Variants in DRC11 observed in about 807,000 individuals in gnomAD.
DRC11 encodes dynein regulatory complex subunit 11.
the DRC11 span, among the ~76,000 whole-genome samples, chr2:236,310,134 A>C: frequency 6.6e-6 from 1 of 152,192 alleles, no homozygotes; most frequent in East Asian, 1.9e-4. This position sits in a 1 kb window ranked among gnomAD's most constrained non-coding sequence, Gnocchi z 5.5. Flanking sequence ...GGACAGGCCC[A>C]TGAAGCAGCA....
chr2:236,405,517 C>T, the DRC11 span, among the ~76,000 whole-genome samples: 3 of 152,006 alleles, frequency 2.0e-5, no homozygotes, highest in Non-Finnish European at 4.4e-5. The surrounding 1 kb of genome is among the most constrained non-coding windows in gnomAD (Gnocchi z 4.6). Context: ...TCTCTGGGTA[C>T]CGCTAAGATG....
the DRC11 span, among the ~76,000 whole-genome samples, chr2:236,321,288 A>G: frequency 6.6e-6 from 1 of 152,248 alleles, no homozygotes; most frequent in Non-Finnish European, 1.5e-5. Context: ...AAATAATGGT[A>G]TATCTATAAA....
chr2:236,445,737 GA>G, the DRC11 span, among the ~76,000 whole-genome samples: 17 of 149,964 alleles, frequency 1.1e-4, no homozygotes, highest in African/African-American at 3.2e-4. This position sits in a 1 kb window ranked among gnomAD's most constrained non-coding sequence, Gnocchi z 4.8. Flanking sequence ...CTTAAAGAAT[GA>G]AAAAAAAACT....
the DRC11 span, among the ~76,000 whole-genome samples, chr2:236,502,260 A>C: frequency 6.6e-6 from 1 of 152,260 alleles, no homozygotes; most frequent in Non-Finnish European, 1.5e-5. Flanking sequence ...AAATCCAAGG[A>C]AATCAGTAAC....
the DRC11 span, among the ~76,000 whole-genome samples, chr2:236,466,579 T>C: frequency 6.6e-6 from 1 of 152,100 alleles, no homozygotes; most frequent in African/African-American, 2.4e-5. Context: ...CTTACAATCA[T>C]GATGGAAGGT....
the DRC11 span, among the ~76,000 whole-genome samples, chr2:236,364,444 T>A: frequency 6.6e-6 from 1 of 152,158 alleles, no homozygotes; most frequent in African/African-American, 2.4e-5. Flanking sequence ...CATTTAGTGA[T>A]TCTTGTGAGA....
the DRC11 span, among the ~76,000 whole-genome samples, chr2:236,411,420 A>T: frequency 6.6e-6 from 1 of 151,042 alleles, no homozygotes; most frequent in Non-Finnish European, 1.5e-5. Flanking sequence ...GGATGTGGAG[A>T]AATAGGAACA....
the DRC11 span, among the ~76,000 whole-genome samples, chr2:236,360,357 G>GT: frequency 8.5e-5 from 13 of 152,194 alleles, no homozygotes; most frequent in Non-Finnish European, 1.5e-4. The surrounding 1 kb of genome is among the most constrained non-coding windows in gnomAD (Gnocchi z 5.8). Context: ...TAGAGTTGTT[G>GT]TAAGGACTGA....
chr2:236,503,765 C>A, the DRC11 span: 1 of 1,420,140 alleles, frequency 7.0e-7, no homozygotes, highest in African/African-American at 1.4e-5. This position sits in a 1 kb window ranked among gnomAD's most constrained non-coding sequence, Gnocchi z 4.9. Context: ...CACACTGGAC[C>A]GCCAGGGACC....
the DRC11 span, among the ~76,000 whole-genome samples, chr2:236,457,466 G>A: frequency 1.6e-4 from 24 of 152,298 alleles, no homozygotes; most frequent in African/African-American, 5.5e-4. This position sits in a 1 kb window ranked among gnomAD's most constrained non-coding sequence, Gnocchi z 4.7. Context: ...GAATGAAAGC[G>A]ATTATGGCGC....
chr2:236,404,161 TAAAAAAAAAAA>T, the DRC11 span, among the ~76,000 whole-genome samples: 2 of 91,568 alleles, frequency 2.2e-5, no homozygotes, highest in Non-Finnish European at 4.6e-5. Context: ...AATGGAGAGT[TAAAAAAAAAAA>T]AAAAAAAGAA....
chr2:236,311,695 TGC>T, the DRC11 span, among the ~76,000 whole-genome samples: 1 of 139,142 alleles, frequency 7.2e-6, no homozygotes, highest in Admixed American at 7.1e-5. The surrounding 1 kb of genome is among the most constrained non-coding windows in gnomAD (Gnocchi z 6.9). Context: ...CTGGATGGGG[TGC>T]GTGTGTGTGT....
At chr2:236,485,012 AAACT>A in the DRC11 span, among the ~76,000 whole-genome samples, 15 of 152,218 alleles carry the variant, frequency 9.9e-5, no homozygotes, top group Non-Finnish European at 2.1e-4. Flanking sequence ...CACAGGACCC[AAACT>A]AACAGAAGGA....
the DRC11 span, among the ~76,000 whole-genome samples, chr2:236,342,593 C>T: frequency 3.9e-5 from 6 of 152,158 alleles, no homozygotes; most frequent in Non-Finnish European, 5.9e-5. The surrounding 1 kb of genome is among the most constrained non-coding windows in gnomAD (Gnocchi z 5.8). Context: ...GGGCAGGCCC[C>T]GCAATGCCAT....
chr2:236,352,394 G>A, the DRC11 span, among the ~76,000 whole-genome samples: 1 of 152,110 alleles, frequency 6.6e-6, no homozygotes, highest in Admixed American at 6.5e-5. The surrounding 1 kb of genome is among the most constrained non-coding windows in gnomAD (Gnocchi z 7.0). Flanking sequence ...GGGATAGCGT[G>A]GGCTAGGGAC....
the DRC11 span, chr2:236,392,245 T>C: frequency 6.4e-7 from 1 of 1,572,990 alleles, no homozygotes; most frequent in South Asian, 1.1e-5. The surrounding 1 kb of genome is among the most constrained non-coding windows in gnomAD (Gnocchi z 5.1). Context: ...TAGCTGTACC[T>C]GTATCCTGAT....
At chr2:236,335,548 C>T in the DRC11 span, among the ~76,000 whole-genome samples, 3 of 152,242 alleles carry the variant, frequency 2.0e-5, 1 homozygote, top group South Asian at 6.2e-4. This position sits in a 1 kb window ranked among gnomAD's most constrained non-coding sequence, Gnocchi z 5.6. Context: ...GAATCTGCAG[C>T]GTGATCTGAA....
chr2:236,462,630 C>T, the DRC11 span, among the ~76,000 whole-genome samples: 1 of 152,248 alleles, frequency 6.6e-6, no homozygotes, highest in Admixed American at 6.5e-5. The surrounding 1 kb of genome is among the most constrained non-coding windows in gnomAD (Gnocchi z 6.4). Flanking sequence ...GAGATCACAT[C>T]ACTGCACTCC....
chr2:236,449,491 G>A, the DRC11 span, among the ~76,000 whole-genome samples: 1 of 152,208 alleles, frequency 6.6e-6, no homozygotes, highest in Non-Finnish European at 1.5e-5. This position sits in a 1 kb window ranked among gnomAD's most constrained non-coding sequence, Gnocchi z 5.1. Context: ...GTACCTGGAA[G>A]GTTTTCCACC....
Sources: gnomAD v4.1 joint callset for allele counts (sites outside exome capture counted in the v4.1 genomes callset) on GRCh38, gnomAD v4.1.1 for gene constraint, Gnocchi (gnomAD v3.1) non-coding constraint, MANE v1.5 for transcripts, NCBI Gene and HGNC (gene_info 2026-07-23, HGNC 2026-07-21) for gene names.